The following LOC128462377 variants were observed in gnomAD, a reference collection of about 807,000 sequenced individuals.
the LOC128462377 span, among the ~76,000 whole-genome samples, chr16:89,357,882 T>C: frequency 6.6e-6 from 1 of 152,232 alleles, no homozygotes; most frequent in East Asian, 1.9e-4. Flanking sequence ...TGGGGACACC[T>C]TTCCTTTCTT....
chr16:89,388,786 G>T, the LOC128462377 span, among the ~76,000 whole-genome samples: 1 of 152,174 alleles, frequency 6.6e-6, no homozygotes. Context: ...CCTGTCCGCA[G>T]CCCTGGGAAG....
the LOC128462377 span, among the ~76,000 whole-genome samples, chr16:89,375,358 A>G: frequency 6.6e-6 from 1 of 152,230 alleles, no homozygotes; most frequent in Non-Finnish European, 1.5e-5. Context: ...GAAGGCTGAG[A>G]TAAATGGATC....
At chr16:89,361,968 G>A in the LOC128462377 span, among the ~76,000 whole-genome samples, 1 of 152,222 alleles carries the variant, frequency 6.6e-6, no homozygotes, top group Non-Finnish European at 1.5e-5. Context: ...TGGATGGGCG[G>A]CCAGGGGCTT....
chr16:89,333,935 G>A, the LOC128462377 span, among the ~76,000 whole-genome samples: 3 of 152,092 alleles, frequency 2.0e-5, no homozygotes, highest in Admixed American at 2.0e-4. Context: ...ACTGGAAGCA[G>A]TCAGGACAAT....
the LOC128462377 span, among the ~76,000 whole-genome samples, chr16:89,400,916 C>A: frequency 6.6e-6 from 1 of 152,146 alleles, no homozygotes; most frequent in African/African-American, 2.4e-5. Context: ...TGCAGACACC[C>A]TCTCACAGGC....
At chr16:89,391,026 A>C in the LOC128462377 span, among the ~76,000 whole-genome samples, 1 of 152,110 alleles carries the variant, frequency 6.6e-6, no homozygotes, top group Non-Finnish European at 1.5e-5. Context: ...CAGGAGATCG[A>C]GACCATCCTG....
the LOC128462377 span, among the ~76,000 whole-genome samples, chr16:89,369,267 G>A: frequency 2.6e-5 from 4 of 152,234 alleles, no homozygotes; most frequent in African/African-American, 7.2e-5. Context: ...AGGTACGCCC[G>A]AGAAATGCCC....
At chr16:89,346,463 C>A in the LOC128462377 span, among the ~76,000 whole-genome samples, 1 of 152,190 alleles carries the variant, frequency 6.6e-6, no homozygotes, top group Non-Finnish European at 1.5e-5. Context: ...TCACGCAATC[C>A]ATTTTTCAAG....
At chr16:89,362,334 T>G in the LOC128462377 span, among the ~76,000 whole-genome samples, 1 of 152,178 alleles carries the variant, frequency 6.6e-6, no homozygotes, top group African/African-American at 2.4e-5. Flanking sequence ...TCACGACACC[T>G]TGCACAGCCC....
At chr16:89,346,250 G>GAAAAAAA in the LOC128462377 span, among the ~76,000 whole-genome samples, 2 of 96,880 alleles carry the variant, frequency 2.1e-5, no homozygotes, top group Non-Finnish European at 3.9e-5. Context: ...CCCGTCTCAG[G>GAAAAAAA]AAAAAAAAAA....
chr16:89,347,947 T>C, the LOC128462377 span, among the ~76,000 whole-genome samples: 187 of 152,232 alleles, frequency 1.2e-3, 2 homozygotes, highest in East Asian at 0.033. Flanking sequence ...TTTGTCTTTT[T>C]TTTTTTGACA....
chr16:89,418,008 TA>T, the LOC128462377 span, among the ~76,000 whole-genome samples: 1 of 152,172 alleles, frequency 6.6e-6, no homozygotes, highest in Admixed American at 6.5e-5. Context: ...CAAGAGGAAA[TA>T]AACTTCTTTT....
At chr16:89,330,511 C>T in the LOC128462377 span, among the ~76,000 whole-genome samples, 6 of 151,938 alleles carry the variant, frequency 3.9e-5, no homozygotes, top group African/African-American at 1.4e-4. Context: ...TGAGGGTCCC[C>T]GTGACGTGGC....
chr16:89,363,421 C>A, the LOC128462377 span, among the ~76,000 whole-genome samples: 1,228 of 151,478 alleles, frequency 8.1e-3, 24 homozygotes, highest in African/African-American at 0.028. Context: ...CACATGTATA[C>A]ATATGTAACA....
chr16:89,365,024 T>C, the LOC128462377 span, among the ~76,000 whole-genome samples: 6 of 152,244 alleles, frequency 3.9e-5, no homozygotes, highest in African/African-American at 7.2e-5. Context: ...TGGAGGATGC[T>C]ATGAATTCTG....
chr16:89,418,135 G>C, the LOC128462377 span: 1 of 388,798 alleles, frequency 2.6e-6, no homozygotes, highest in Non-Finnish European at 5.3e-6. Context: ...TACACTCTAA[G>C]TGAAATCCAG....
At chr16:89,399,123 G>A in the LOC128462377 span, among the ~76,000 whole-genome samples, 4 of 152,162 alleles carry the variant, frequency 2.6e-5, no homozygotes, top group African/African-American at 9.7e-5. Context: ...AGGTGGCTCC[G>A]AACACGGAGC....
At chr16:89,361,994 G>C in the LOC128462377 span, among the ~76,000 whole-genome samples, 2 of 152,198 alleles carry the variant, frequency 1.3e-5, no homozygotes, top group Non-Finnish European at 2.9e-5. Context: ...AGTGGCTCCA[G>C]GCAGGAGGAC....
the LOC128462377 span, among the ~76,000 whole-genome samples, chr16:89,348,569 C>T: frequency 0.01 from 1,560 of 152,198 alleles, 23 homozygotes; most frequent in African/African-American, 0.035. Flanking sequence ...GTCAGTCATC[C>T]GGGACTGAAG....
Sources: allele counts gnomAD v4.1 joint callset (sites outside exome capture counted in the v4.1 genomes callset), GRCh38; gene constraint gnomAD v4.1.1; transcripts MANE v1.5.